The following TENM2 variants were observed in gnomAD, a reference collection of about 807,000 sequenced individuals.
TENM2 encodes the protein teneurin-2.
A neutral mutation model predicts 245.2 loss-of-function variants in TENM2; 52 were observed. The observed-to-expected ratio is 0.21, with a 90% CI of 0.17 to 0.27. The LOEUF (loss-of-function observed/expected upper bound fraction) is 0.27, where lower values mean the gene tolerates loss of function less well. Ranked by LOEUF, TENM2 falls within the 10% of genes least tolerant of loss-of-function variation. The probability of loss-of-function intolerance (pLI) is 1.00; values close to 1 mark genes in which losing one functional copy is unlikely to be tolerated. For missense variants in TENM2, 3,046 were observed against 3,666.8 expected, an observed-to-expected ratio of 0.83 and a Z score of 4.37; for synonymous variants, 1,363 against 1,438.9, an observed-to-expected ratio of 0.95 and a Z score of 1.19.
intron 2 of TENM2, among the ~76,000 whole-genome samples, chr5:167,553,778 G>A (rs1371022299): frequency 1.3e-5 from 2 of 152,158 alleles, no homozygotes; most frequent in Non-Finnish European, 2.9e-5. Context: ...TGGGGTAGAG[G>A]GGAAAGAGGG....
intron 2 of TENM2, among the ~76,000 whole-genome samples, chr5:167,521,205 T>G (rs1770733777): frequency 6.6e-6 from 1 of 152,092 alleles, no homozygotes; most frequent in African/African-American, 2.4e-5. Context: ...AGACAAAGGT[T>G]GCCGAAAATT....
chr5:167,093,556 A>G, the TENM2 span, among the ~76,000 whole-genome samples: 6 of 152,220 alleles, frequency 3.9e-5, no homozygotes, highest in Non-Finnish European at 8.8e-5. Context: ...TCGCGACAGC[A>G]TATGTCACTA....
At chr5:167,132,632 C>G in the TENM2 span, among the ~76,000 whole-genome samples, 6 of 152,206 alleles carry the variant, frequency 3.9e-5, no homozygotes, top group South Asian at 6.2e-4. Context: ...CATGTGACCC[C>G]CTGAGTGGTA....
chr5:168,042,241 G>T (rs1788253373), intron 5 of TENM2, among the ~76,000 whole-genome samples: 1 of 152,010 alleles, frequency 6.6e-6, no homozygotes, highest in Non-Finnish European at 1.5e-5. Context: ...TTGGCCTGCA[G>T]TCTTCCATTT....
intron 2 of TENM2, among the ~76,000 whole-genome samples, chr5:167,628,014 C>T (rs113364226): frequency 2.0e-5 from 3 of 152,168 alleles, no homozygotes; most frequent in Admixed American, 6.5e-5. Context: ...TACGGTAGAA[C>T]GGCAGTGTCT....
chr5:167,091,034 C>T, the TENM2 span, among the ~76,000 whole-genome samples: 1 of 152,134 alleles, frequency 6.6e-6, no homozygotes, highest in Non-Finnish European at 1.5e-5. Context: ...ATGTTTGGCA[C>T]ATGCCTGGCT....
chr5:167,760,705 G>A (rs915448091), intron 2 of TENM2, among the ~76,000 whole-genome samples: 11 of 152,194 alleles, frequency 7.2e-5, no homozygotes, highest in Admixed American at 3.3e-4. Flanking sequence ...CCAGGCTAGA[G>A]TGCAATGGCA....
chr5:167,730,583 C>T (rs80033685), intron 2 of TENM2, among the ~76,000 whole-genome samples: 5,578 of 152,200 alleles, frequency 0.037, 263 homozygotes, highest in African/African-American at 0.12. Context: ...ACTCTACTCC[C>T]CCGTCATCCT....
chr5:167,936,600 C>T (rs2151739675), intron 3 of TENM2, among the ~76,000 whole-genome samples: 1 of 152,314 alleles, frequency 6.6e-6, no homozygotes, highest in Admixed American at 6.5e-5. Flanking sequence ...GCAAGTCTAT[C>T]CTATTCTTAG....
rs369900574 is a variant in TENM2 at position 167,612,628 on chromosome 5, A to G, written c.502+237155A>G. Among the ~76,000 whole-genome samples, 7 of 152,232 alleles carry G rather than the reference A, an allele frequency of 4.6e-5. No individual in the cohort carries two copies. In the East Asian group the frequency reaches 9.7e-4, roughly 21 times the overall value. On this transcript the variant is annotated intron_variant, in intron 2 of 28. Coordinates refer to ENST00000518659, the Ensembl canonical transcript of TENM2. The stretch of plus-strand genomic sequence containing the variant: ...TATGTCAGATAGCTGTCATTTTTAC[A>G]CCCTTCATTAATTTCAATTGGACTC...
chr5:167,124,700 C>T, the TENM2 span, among the ~76,000 whole-genome samples: 8 of 152,102 alleles, frequency 5.3e-5, no homozygotes, highest in Non-Finnish European at 5.9e-5. Flanking sequence ...AGCTTGTAAT[C>T]TAGTAAGGTG....
the TENM2 span, among the ~76,000 whole-genome samples, chr5:167,174,484 AC>A: frequency 6.6e-6 from 1 of 152,132 alleles, no homozygotes; most frequent in African/African-American, 2.4e-5. Context: ...AATAGAATGA[AC>A]GCTGAAAAGT....
chr5:167,269,536 TAC>T, the TENM2 span, among the ~76,000 whole-genome samples: 94 of 150,714 alleles, frequency 6.2e-4, 1 homozygote, highest in African/African-American at 2.1e-3. Context: ...AAATAGTGAC[TAC>T]ACACACACAC....
At position 167,769,770 on chromosome 5, in the gene TENM2, A is replaced by G. The variant is rs182529880; in HGVS notation, c.503-106216A>G. Among the ~76,000 whole-genome samples the G allele has an allele frequency of 1.8e-3, 268 of 152,316 alleles. 2 individuals carry two copies. Among genetic ancestry groups the G allele is most frequent in the African/African-American group, 6.2e-3 (256 of 41,582 alleles). ...ACTTGCAGAGAAATGATCAAACTTG[A>G]ATAGTAATACCCAGGCTATTGCCTA... On this transcript the variant is annotated intron_variant, in intron 2 of 28. Coordinates refer to ENST00000518659, the Ensembl canonical transcript of TENM2.
intron 2 of TENM2, among the ~76,000 whole-genome samples, chr5:167,866,402 G>A (rs987077253): frequency 2.0e-5 from 3 of 151,512 alleles, no homozygotes; most frequent in African/African-American, 7.3e-5. Context: ...GGAGGCTGAG[G>A]CAGGAGAGTC....
the TENM2 span, among the ~76,000 whole-genome samples, chr5:167,073,111 C>T: frequency 2.2e-3 from 340 of 152,220 alleles, no homozygotes; most frequent in African/African-American, 6.9e-3. Context: ...ATAAGGTGTG[C>T]GATTTAGTCC....
At chr5:167,183,340 T>G in the TENM2 span, among the ~76,000 whole-genome samples, 4 of 152,148 alleles carry the variant, frequency 2.6e-5, no homozygotes, top group Non-Finnish European at 5.9e-5. Flanking sequence ...TGTATAGTAC[T>G]TATTAGGAAA....
intron 14 of TENM2, among the ~76,000 whole-genome samples, chr5:168,191,908 T>C (rs1760998550): frequency 6.6e-6 from 1 of 152,076 alleles, no homozygotes; most frequent in Non-Finnish European, 1.5e-5. Flanking sequence ...AGAGCCCCAA[T>C]TCCTGCAGCT....
At chr5:167,387,059 T>C (rs915293648) in intron 2 of TENM2, among the ~76,000 whole-genome samples, 1 of 152,146 alleles carries the variant, frequency 6.6e-6, no homozygotes. Flanking sequence ...TGGTGATATT[T>C]TGATGGGAAT....
Sources: gnomAD v4.1 joint callset for allele counts (sites outside exome capture counted in the v4.1 genomes callset) on GRCh38, gnomAD v4.1.1 for gene constraint, MANE v1.5 for transcripts, NCBI Gene and HGNC (gene_info 2026-07-23, HGNC 2026-07-21) for gene names.